The following TXNRD2 variants were observed in gnomAD, a reference collection of about 807,000 sequenced individuals.
TXNRD2 encodes thioredoxin reductase 2, also known as thioredoxin reductase 2, mitochondrial.
TXNRD2 carries 67 observed loss-of-function variants against 70.8 expected under a neutral mutation model. The observed-to-expected ratio is 0.95, with a 90% CI of 0.78 to 1.16. The LOEUF is 1.16. Ranked by LOEUF, TXNRD2 falls within the 50% of genes most tolerant of loss-of-function variation. TXNRD2 has a pLI of 0.00. For missense variants in TXNRD2, 644 were observed against 719.9 expected (o/e 0.89, Z 1.21); for synonymous variants, 301 against 295.8 (o/e 1.02, Z -0.18).
At chr22:19,880,839 C>A in intron 12 of TXNRD2, 122 bp from the exon 13 acceptor site, 1 of 688,614 alleles carries the variant, frequency 1.5e-6, no homozygotes, top group East Asian at 2.7e-5. Context: ...ACACTGGCAC[C>A]GAGCATGGTG....
chr22:19,907,216 C>A (rs1456406579), intron 8 of TXNRD2, among the ~76,000 whole-genome samples: 1 of 79,444 alleles, frequency 1.3e-5, no homozygotes, highest in African/African-American at 5.1e-5. Flanking sequence ...AGAGTGTGGG[C>A]GCCGTGAGTA....
intron 1 of TXNRD2, among the ~76,000 whole-genome samples, chr22:19,935,813 T>C (rs1432155571): frequency 6.6e-6 from 1 of 152,306 alleles, no homozygotes; most frequent in East Asian, 1.9e-4. Context: ...CCTAAGTGCA[T>C]GTGGGAACCC....
At position 19,878,090 on chromosome 22, in the gene TXNRD2, T is replaced by G. The variant is rs763072970; in HGVS notation, c.1445A>C (p.Lys482Thr). The change falls in exon 16 of 18, where the codon AAG becomes ACG. Residue 482 changes from lysine to threonine, a missense_variant and splice_region_variant. This residue lies in a region of TXNRD2 where 566 missense variants were observed against 645.0 expected (regional missense o/e 0.88). Coordinates refer to ENST00000400521, the MANE Select transcript of TXNRD2 (RefSeq NM_006440.5). ...GCAGCCTGCATTCCTCGGGACTTAC[T>G]TGATCCCCAGAGCAAATCCTTGAGT... is the stretch of plus-strand genomic sequence containing the variant. ...EVTQGFALGIKCGASYAQVMR... is the reference protein window; with the variant it reads ...EVTQGFALGITCGASYAQVMR... 13 of 1,613,080 alleles carry G rather than the reference T, an allele frequency of 8.1e-6. No individual in the cohort carries two copies. Among genetic ancestry groups the G allele is most frequent in the Middle Eastern group, 1.6e-4 (1 of 6,082 alleles).
At chr22:19,903,697 C>G (rs1939879866) in intron 8 of TXNRD2, among the ~76,000 whole-genome samples, 1 of 152,240 alleles carries the variant, frequency 6.6e-6, no homozygotes, top group South Asian at 2.1e-4. Context: ...CTTGGCTGCA[C>G]TTGGATCCCG....
Position 19,880,733 on chromosome 22 carries a change from G to T in TXNRD2, c.1087-16C>A. On this transcript the variant is annotated splice_polypyrimidine_tract_variant and intron_variant, in intron 12 of 17. Transcript: ENST00000400521. Reference sequence around the variant, plus strand: ...CAGGCCGCCCCTTGGGGAAGGCACAGGGGGGCCACGTCAGCACCATGTCCG... The same window carrying T: ...CAGGCCGCCCCTTGGGGAAGGCACATGGGGGCCACGTCAGCACCATGTCCG... 2.6e-6 allele frequency: 3 copies of T among 1,156,572 alleles called. No homozygotes were observed. The highest frequency in any genetic ancestry group is 3.6e-6 in the Non-Finnish European group (3 of 835,938). The allele number at this position is 1,156,572 out of a possible 1,614,324, so 71.6% of individuals were successfully genotyped here. A position where few individuals can be genotyped will look rare whatever the true frequency, so the allele number is the denominator to read the frequency against.
At chr22:19,938,904 G>T (rs1245016472) in intron 1 of TXNRD2, among the ~76,000 whole-genome samples, 1 of 152,136 alleles carries the variant, frequency 6.6e-6, no homozygotes, top group Admixed American at 6.5e-5. Flanking sequence ...ATTATATTTA[G>T]CATTGTTTAA....
At chr22:19,938,881 C>T (rs1168859024) in intron 1 of TXNRD2, among the ~76,000 whole-genome samples, 2 of 152,162 alleles carry the variant, frequency 1.3e-5, no homozygotes, top group African/African-American at 4.8e-5. Context: ...AATTTAACTA[C>T]TCCCCACTCC....
At chr22:19,900,885 C>T (rs1275628353) in intron 8 of TXNRD2, among the ~76,000 whole-genome samples, 3 of 152,274 alleles carry the variant, frequency 2.0e-5, no homozygotes, top group African/African-American at 7.2e-5. Flanking sequence ...CCCCCTGCTC[C>T]CAGAGGTGGC....
At chr22:19,895,197 G>A (rs768654032) in intron 11 of TXNRD2, 1 of 1,598,326 alleles carries the variant, frequency 6.3e-7, no homozygotes, top group Admixed American at 1.7e-5. Flanking sequence ...AGAGATGCAA[G>A]GTGCTGGGGA....
chr22:19,928,200 G>A (rs186774165), intron 2 of TXNRD2, among the ~76,000 whole-genome samples: 59 of 151,690 alleles, frequency 3.9e-4, no homozygotes, highest in East Asian at 2.5e-3. Context: ...TATACCACAC[G>A]ATCCAGTTGG....
At position 19,941,762 on chromosome 22, in the gene TXNRD2, G is replaced by A. The variant is rs45581136; in HGVS notation, c.42C>T (p.Arg14=). 51 of 1,513,928 alleles carry A rather than the reference G, an allele frequency of 3.4e-5. No homozygotes were observed. In the African/African-American group the frequency reaches 6.8e-4, roughly 20 times the overall value. 93.8% of individuals were successfully genotyped at this position (1,513,928 alleles called of 1,614,324 possible). ...MAVALRGLGG[R]FRWRTQAVAG... is the part of the protein sequence containing the mutation. ...CCACGGCCTGCGTCCGCCACCGGAA[G>A]CGCCCTCCTAATCCCCGCAGCGCCA... Residue 14 remains arginine (R), a synonymous_variant, in exon 1 of 18, where the codon CGC becomes CGT. Transcript: ENST00000400521.
intron 1 of TXNRD2, chr22:19,932,311 T>G (rs1378222578): frequency 6.2e-6 from 10 of 1,611,904 alleles, no homozygotes; most frequent in Non-Finnish European, 8.5e-6. Flanking sequence ...TGGGCTCAGG[T>G]TTCATCCCTG....
At chr22:19,885,285 A>G (rs1938974472) in intron 11 of TXNRD2, among the ~76,000 whole-genome samples, 1 of 152,204 alleles carries the variant, frequency 6.6e-6, no homozygotes, top group Non-Finnish European at 1.5e-5. Context: ...CCTCAAAAGC[A>G]TAGCTCCCCT....
intron 17 of TXNRD2, chr22:19,876,085 C>T (rs1938492946): frequency 1.3e-5 from 2 of 152,306 alleles, no homozygotes; most frequent in South Asian, 4.1e-4. Flanking sequence ...TTTGTTTATC[C>T]CTATCGAGCG....
rs1419756306 is a variant in TXNRD2 at position 19,941,686 on chromosome 22, C to G, written c.103+15G>C. Reference sequence around the variant, plus strand: ...CGCGGACACCTACCGCGGGGACGCCCCGACCCCATCCTACCTGCTGCGCCC... The same window carrying G: ...CGCGGACACCTACCGCGGGGACGCCGCGACCCCATCCTACCTGCTGCGCCC... On this transcript the variant is annotated intron_variant, in intron 1 of 17. Transcript: ENST00000400521. 1.4e-6 allele frequency: 2 copies of G among 1,476,370 alleles called. No individual in the cohort carries two copies. Among genetic ancestry groups the G allele is most frequent in the Admixed American group, 4.7e-5 (2 of 42,538 alleles). The allele number at this position is 1,476,370 out of a possible 1,614,324, so 91.5% of individuals were successfully genotyped here. A position where few individuals can be genotyped will look rare whatever the true frequency, so the allele number is the denominator to read the frequency against.
At chr22:19,938,390 G>T (rs143340577) in intron 1 of TXNRD2, among the ~76,000 whole-genome samples, 1 of 152,288 alleles carries the variant, frequency 6.6e-6, no homozygotes, top group East Asian at 1.9e-4. Context: ...GGGCTCCAGC[G>T]GTGAAAAAGC....
chr22:19,878,812 G>A (rs1384388224), intron 14 of TXNRD2, among the ~76,000 whole-genome samples: 1 of 152,166 alleles, frequency 6.6e-6, no homozygotes, highest in Admixed American at 6.5e-5. Flanking sequence ...GGGTGAGCAG[G>A]AGGCCACCTG....
chr22:19,894,317 G>C (rs1939394643), intron 11 of TXNRD2: 1 of 152,354 alleles, frequency 6.6e-6, no homozygotes, highest in East Asian at 1.9e-4. Context: ...AAAAGTTCTA[G>C]AGATGGATGG....
At chr22:19,931,889 G>A (rs922011269) in intron 1 of TXNRD2, among the ~76,000 whole-genome samples, 4 of 152,130 alleles carry the variant, frequency 2.6e-5, no homozygotes, top group Non-Finnish European at 5.9e-5. Flanking sequence ...GGCTAGGGGC[G>A]GTAGCTCACG....
Sources: gnomAD v4.1 joint callset for allele counts (sites outside exome capture counted in the v4.1 genomes callset) on GRCh38, gnomAD v4.1.1 for gene constraint, gnomAD v4.1.1 regional missense constraint, MANE v1.5 for transcripts, NCBI Gene and HGNC (gene_info 2026-07-23, HGNC 2026-07-21) for gene names.